Variants in VPS35L observed in about 807,000 individuals in gnomAD.
The protein encoded by VPS35L is VPS35 endosomal protein sorting factor like, also known as VPS35 endosomal protein-sorting factor-like.
Under a neutral mutation model 133.0 loss-of-function variants are expected in VPS35L, and 83 were observed. The observed-to-expected ratio is 0.62, with a 90% CI of 0.52 to 0.75. VPS35L has a LOEUF of 0.75. VPS35L is among the 30% of genes least tolerant of loss of function. The pLI is 0.00. For synonymous variants in VPS35L, 423 were observed against 449.9 expected (o/e 0.94, Z 0.76); for missense variants, 1,083 against 1,206.8 (o/e 0.90, Z 1.52).
At chr16:19,570,889 A>ATATATG (rs1971360458) in intron 3 of VPS35L, among the ~76,000 whole-genome samples, 1 of 91,852 alleles carries the variant, frequency 1.1e-5, no homozygotes, top group Non-Finnish European at 2.1e-5. Flanking sequence ...ATATATATAT[A>ATATATG]TTTTTGAGAT....
chr16:19,639,622 G>A lies in VPS35L; in HGVS notation c.1699-393G>A, dbSNP rs577808690. 1.1e-4 allele frequency among the ~76,000 whole-genome samples: 17 copies of A among 152,286 alleles called. No individual in the cohort carries two copies. The highest frequency in any genetic ancestry group is 3.4e-4 in the African/African-American group (14 of 41,570). ...GGTTCACTGCAACTTCCGCCTTCCC[G>A]AGTTCAAGCAGTTCTCCTGCCTCAG... is the stretch of plus-strand genomic sequence containing the variant. On this transcript the variant is annotated intron_variant, in intron 20 of 30. Transcript: ENST00000417362. The surrounding 1 kb of genome is among the most constrained non-coding windows in gnomAD (Gnocchi z 4.1).
At chr16:19,675,068 C>T (rs1975017295) in intron 27 of VPS35L, among the ~76,000 whole-genome samples, 1 of 151,762 alleles carries the variant, frequency 6.6e-6, no homozygotes, top group African/African-American at 2.4e-5. Flanking sequence ...TGTCCCAACT[C>T]AGCCTCTTTG....
intron 7 of VPS35L, among the ~76,000 whole-genome samples, chr16:19,586,467 G>A (rs996403159): frequency 1.3e-5 from 2 of 152,122 alleles, no homozygotes; most frequent in African/African-American, 4.8e-5. Context: ...AGCCTCCTGA[G>A]TAGCTGGGAT....
intron 14 of VPS35L, among the ~76,000 whole-genome samples, chr16:19,620,479 T>C (rs1458124860): frequency 1.3e-5 from 2 of 152,150 alleles, no homozygotes; most frequent in Non-Finnish European, 2.9e-5. Context: ...GACTTCTCTC[T>C]ACTGTTTTTT....
At chr16:19,653,505 A>G (rs531918811) in intron 26 of VPS35L, among the ~76,000 whole-genome samples, 1 of 152,274 alleles carries the variant, frequency 6.6e-6, no homozygotes, top group African/African-American at 2.4e-5. Context: ...TGCTTGGGGT[A>G]GATCCACTCC....
At chr16:19,674,968 TG>T (rs1975013797) in intron 27 of VPS35L, among the ~76,000 whole-genome samples, 1 of 151,604 alleles carries the variant, frequency 6.6e-6, no homozygotes. Context: ...TTTTTTTTTT[TG>T]AGACAGGATC....
At chr16:19,620,767 A>G (rs1201547842) in intron 14 of VPS35L, among the ~76,000 whole-genome samples, 2 of 152,234 alleles carry the variant, frequency 1.3e-5, no homozygotes, top group East Asian at 1.9e-4. Context: ...CCTGGCCAAC[A>G]TGGCGAAACC....
At chr16:19,619,384 A>G (rs1175098947) in intron 14 of VPS35L, among the ~76,000 whole-genome samples, 1 of 152,178 alleles carries the variant, frequency 6.6e-6, no homozygotes, top group Non-Finnish European at 1.5e-5. Context: ...TCAAGCCAGT[A>G]TAAAGGAAAG....
At chr16:19,641,795 AAAAC>A (rs1203745760) in intron 21 of VPS35L, among the ~76,000 whole-genome samples, 1 of 132,142 alleles carries the variant, frequency 7.6e-6, no homozygotes, top group Non-Finnish European at 1.7e-5. Context: ...AGCATAGTTA[AAAAC>A]AAACAAACAA....
intron 26 of VPS35L, among the ~76,000 whole-genome samples, chr16:19,659,687 C>CT (rs1217656412): frequency 3.3e-5 from 5 of 152,192 alleles, no homozygotes; most frequent in Non-Finnish European, 5.9e-5. Context: ...TGGTAAATCT[C>CT]TATCAGTGAC....
At chr16:19,572,998 A>G (rs1971428858) in intron 3 of VPS35L, 121 bp from the exon 4 acceptor site, 8 of 1,180,718 alleles carry the variant, frequency 6.8e-6, no homozygotes, top group Admixed American at 5.8e-5. Flanking sequence ...TATGATAGTA[A>G]ACCTTGAGAC....
At chr16:19,559,903 G>A (rs150717401) in intron 1 of VPS35L, among the ~76,000 whole-genome samples, 3 of 152,032 alleles carry the variant, frequency 2.0e-5, no homozygotes, top group African/African-American at 7.3e-5. Flanking sequence ...GGCCAGGCTG[G>A]TCTCGAACTC....
rs1972055660 is a variant in VPS35L at position 19,591,889 on chromosome 16, T to A, written c.724+15T>A. 6.4e-7 allele frequency: 1 copy of A among 1,553,084 alleles called. No homozygotes were observed. Among genetic ancestry groups the A allele is most frequent in the African/African-American group, 1.4e-5 (1 of 73,524 alleles). On this transcript the variant is annotated intron_variant, in intron 8 of 30. Transcript: ENST00000417362. Reference sequence around the variant, plus strand: ...TGATACATTTGGTAAGTACCTGTCATATGCATCTTAGATCTAGGAAATGTG... The same window carrying A: ...TGATACATTTGGTAAGTACCTGTCAAATGCATCTTAGATCTAGGAAATGTG...
rs1204244409 is a variant in VPS35L, at chr16:19,699,617, A to G, written c.2762A>G (p.Gln921Arg). The change falls in exon 30 of 31, where the codon CAG (glutamine) becomes CGG (arginine). Residue 921 changes from glutamine (Q) to arginine (R), a missense_variant. By Grantham distance (43) the Gln-to-Arg change is conservative. Coordinates refer to ENST00000417362, the MANE Select transcript of VPS35L (RefSeq NM_020314.7). The surrounding 1 kb of genome is among the most constrained non-coding windows in gnomAD (Gnocchi z 4.2). ...TCCGTCAACCTGTGGCACCTGGCACAGAGGCACGGCTGTGCAGACACCAGG... is the reference window on the plus strand; with the variant it reads ...TCCGTCAACCTGTGGCACCTGGCACGGAGGCACGGCTGTGCAGACACCAGG... The part of the protein sequence containing the change: ...QLSVNLWHLA[Q>R]RHGCADTRTM... 12 of 1,613,924 alleles carry G rather than the reference A, an allele frequency of 7.4e-6. No homozygotes were observed. Among genetic ancestry groups the G allele is most frequent in the Non-Finnish European group, 1.0e-5 (12 of 1,180,034 alleles).
rs1971441646 is a variant in VPS35L, at chr16:19,573,360, C to T, written c.408+119C>T. On this transcript the variant is annotated intron_variant, in intron 4 of 30. Coordinates refer to ENST00000417362, the MANE Select transcript of VPS35L (RefSeq NM_020314.7). ...CACTTATTTATTTATTTTTCTACTT[C>T]TCTTAAAAGCTCACATATAAGGCTT... is the stretch of plus-strand genomic sequence containing the variant. 6.9e-6 allele frequency: 8 copies of T among 1,165,612 alleles called. No homozygotes were observed. The Admixed American group carries it at 1.3e-4, about 19-fold the overall frequency. The allele number at this position is 1,165,612 out of a possible 1,614,324, so 72.2% of individuals were successfully genotyped here.
chr16:19,597,052 A>C (rs1235056986), intron 8 of VPS35L, among the ~76,000 whole-genome samples: 1 of 150,780 alleles, frequency 6.6e-6, no homozygotes, highest in Non-Finnish European at 1.5e-5. Context: ...AACAACAACA[A>C]AACAACAACA....
At chr16:19,629,742 A>G in intron 17 of VPS35L, 25 bp from the exon 18 acceptor site, 1 of 1,607,126 alleles carries the variant, frequency 6.2e-7, no homozygotes. Context: ...ACTTAATGTT[A>G]AGATGTTTTC....
chr16:19,674,184 C>CTTTTTTTTTTTTTTTTTTTTT (rs201038834), intron 27 of VPS35L, among the ~76,000 whole-genome samples: 1 of 70,906 alleles, frequency 1.4e-5, no homozygotes, highest in East Asian at 4.7e-4. Flanking sequence ...TTTTCTTTTT[C>CTTTTTTTTTTTTTTTTTTTTT]TTTTTTTTTT....
rs555976435 is a variant in VPS35L at position 19,691,881 on chromosome 16, CT to C, written c.2646+423del. On this transcript the variant is annotated intron_variant, in intron 29 of 30. Transcript: ENST00000417362. Reference sequence around the variant, plus strand: ...CCATGGGAGCAGGGACCTGGTGAGTCTTTTTTTTTTTTTGAGACAGTCTCAC... The same window carrying C: ...CCATGGGAGCAGGGACCTGGTGAGTCTTTTTTTTTTTTGAGACAGTCTCAC... 5.2e-3 allele frequency among the ~76,000 whole-genome samples: 745 copies of C among 143,932 alleles called. 4 individuals carry two copies. Among genetic ancestry groups the C allele is most frequent in the African/African-American group, 9.0e-3 (354 of 39,466 alleles). The allele number at this position is 143,932 out of a possible 152,430, so 94.4% of individuals were successfully genotyped here.
Sources: gnomAD v4.1 joint callset for allele counts (sites outside exome capture counted in the v4.1 genomes callset) on GRCh38, gnomAD v4.1.1 for gene constraint, Gnocchi (gnomAD v3.1) non-coding constraint, MANE v1.5 for transcripts, NCBI Gene and HGNC (gene_info 2026-07-23, HGNC 2026-07-21) for gene names.